Variants in CTNNB1 observed in about 807,000 individuals in gnomAD.
CTNNB1 encodes catenin beta-1.
CTNNB1 carries 6 observed loss-of-function variants against 82.5 expected under a neutral mutation model. That is an observed-to-expected ratio of 0.07 (90% CI 0.04 to 0.14). The LOEUF is 0.14. Ranked by LOEUF, CTNNB1 falls within the 10% of genes least tolerant of loss-of-function variation. CTNNB1 has a pLI of 1.00. For missense variants in CTNNB1, 529 were observed against 980.4 expected, an observed-to-expected ratio of 0.54 and a Z score of 6.15; for synonymous variants, 312 against 329.7, an observed-to-expected ratio of 0.95 and a Z score of 0.58.
At position 41,224,608 on chromosome 3, in the gene CTNNB1, C is replaced by T; in HGVS notation, c.96C>T (p.Asp32=). 1 of 1,613,958 alleles carries T rather than the reference C, an allele frequency of 6.2e-7. No homozygotes were observed. The highest frequency in any genetic ancestry group is 8.5e-7 in the Non-Finnish European group (1 of 1,179,982). ...ACTGGCAGCAACAGTCTTACCTGGA[C>T]TCTGGAATCCATTCTGGTGCCACTA... ...VSHWQQQSYL[D]SGIHSGATTT... The change falls in exon 3 of 15, where the codon GAC becomes GAT. Residue 32 remains aspartate, a synonymous_variant. Transcript: ENST00000349496.
chr3:41,238,846 G>A (rs2078503398), intron 14 of CTNNB1, among the ~76,000 whole-genome samples: 1 of 152,190 alleles, frequency 6.6e-6, no homozygotes, highest in African/African-American at 2.4e-5. Flanking sequence ...CTTGACAGGG[G>A]TAAATGCAGA....
intron 1 of CTNNB1, among the ~76,000 whole-genome samples, chr3:41,203,022 T>A (rs1368341547): frequency 1.5e-5 from 2 of 137,058 alleles, no homozygotes; most frequent in Non-Finnish European, 3.1e-5. Context: ...AACCCATTTT[T>A]AGGGTTTAGC....
chr3:41,208,982 G>A (rs2077714432), intron 1 of CTNNB1, among the ~76,000 whole-genome samples: 1 of 152,102 alleles, frequency 6.6e-6, no homozygotes, highest in Non-Finnish European at 1.5e-5. Context: ...GTTTTCTTTT[G>A]AACCCCTGCC....
intron 1 of CTNNB1, chr3:41,222,355 T>A (rs888107788): frequency 6.6e-6 from 1 of 152,188 alleles, no homozygotes; most frequent in African/African-American, 2.4e-5. Flanking sequence ...GGTGAGTGAG[T>A]CTATGCTGTT....
intron 1 of CTNNB1, among the ~76,000 whole-genome samples, chr3:41,223,290 T>C (rs1361247733): frequency 6.6e-6 from 1 of 152,050 alleles, no homozygotes; most frequent in Non-Finnish European, 1.5e-5. Context: ...TATTGCACAA[T>C]AAAGGCAAAA....
At position 41,224,992 on chromosome 3, in the gene CTNNB1, G is replaced by A. The variant is rs2125619827; in HGVS notation, c.280G>A (p.Val94Ile). ...GQYAMTRAQR[V>I]RAAMFPETLD... ...GTATGCAATGACTCGAGCTCAGAGG[G>A]TACGAGCTGCTATGTTCCCTGAGAC... The change falls in exon 4 of 15, where the codon GTA becomes ATA. Residue 94 changes from valine (V) to isoleucine (I), a missense_variant. By Grantham distance (29) the Val-to-Ile change is conservative. Around this residue, in one of 4 missense-constraint regions of CTNNB1, gnomAD observed 411 missense variants for 776.4 expected, o/e 0.53. Coordinates refer to ENST00000349496, the MANE Select transcript of CTNNB1 (RefSeq NM_001904.4). The A allele has an allele frequency of 6.2e-7, 1 of 1,614,012 alleles. No homozygotes were observed. The highest frequency in any genetic ancestry group is 8.5e-7 in the Non-Finnish European group (1 of 1,179,948).
At chr3:41,235,924 A>G in intron 11 of CTNNB1, 81 bp downstream of exon 11, 1 of 1,516,332 alleles carries the variant, frequency 6.6e-7, no homozygotes, top group Non-Finnish European at 9.2e-7. Flanking sequence ...TCAGAAAATT[A>G]GGGACCATAA....
chr3:41,209,914 A>G (rs1055048152), intron 1 of CTNNB1, among the ~76,000 whole-genome samples: 11 of 152,196 alleles, frequency 7.2e-5, no homozygotes, highest in African/African-American at 2.4e-4. Context: ...TAGACTTTAT[A>G]AACACTGTAC....
intron 1 of CTNNB1, among the ~76,000 whole-genome samples, chr3:41,212,537 GAC>G (rs1435237302): frequency 6.6e-6 from 1 of 152,108 alleles, no homozygotes; most frequent in African/African-American, 2.4e-5. Context: ...TTTTAGTCTT[GAC>G]CCCTGCCTTT....
intron 6 of CTNNB1, among the ~76,000 whole-genome samples, chr3:41,226,918 T>G (rs1269014945): frequency 6.6e-6 from 1 of 152,152 alleles, no homozygotes; most frequent in Non-Finnish European, 1.5e-5. Flanking sequence ...CAACATAGTT[T>G]CTAAATTTTT....
At chr3:41,207,655 G>A (rs1469513753) in intron 1 of CTNNB1, among the ~76,000 whole-genome samples, 1 of 152,120 alleles carries the variant, frequency 6.6e-6, no homozygotes, top group Non-Finnish European at 1.5e-5. Context: ...TTATCCCCCA[G>A]ACTCTAATCC....
chr3:41,218,277 A>C (rs1000744720), intron 1 of CTNNB1, among the ~76,000 whole-genome samples: 1 of 152,128 alleles, frequency 6.6e-6, no homozygotes, highest in Non-Finnish European at 1.5e-5. Flanking sequence ...TTTTCTGCCT[A>C]CTACAGTCTC....
intron 1 of CTNNB1, among the ~76,000 whole-genome samples, chr3:41,205,521 C>G (rs1028857803): frequency 1.3e-5 from 2 of 151,914 alleles, no homozygotes; most frequent in African/African-American, 4.8e-5. Flanking sequence ...GTGGTGAATA[C>G]AAAAATTAGC....
rs1031583127 is a variant in CTNNB1 at position 41,236,588 on chromosome 3, C to A, written c.1955C>A (p.Ala652Glu). 6 of 1,614,166 alleles carry A rather than the reference C, an allele frequency of 3.7e-6. No homozygotes were observed. Among genetic ancestry groups the A allele is most frequent in the Non-Finnish European group, 5.1e-6 (6 of 1,180,030 alleles). The change falls in exon 13 of 15, where the codon GCG becomes GAG. Residue 652 changes from alanine to glutamate, a missense_variant and splice_region_variant. Physicochemically the swap from Ala to Glu is moderately radical, Grantham distance 107. Around this residue, in one of 4 missense-constraint regions of CTNNB1, gnomAD observed 411 missense variants for 776.4 expected, o/e 0.53. Transcript: ENST00000349496. ...ELLHSRNEGV[A>E]TYAAAVLFRM... ...GGGCCTTTTTCTCCTTGTCTCTTAG[C>A]GACATATGCAGCTGCTGTTTTGTTC... is the stretch of plus-strand genomic sequence containing the variant.
intron 1 of CTNNB1, among the ~76,000 whole-genome samples, chr3:41,208,501 T>G (rs1370393406): frequency 6.6e-6 from 1 of 152,226 alleles, no homozygotes; most frequent in Non-Finnish European, 1.5e-5. Flanking sequence ...ATTCCTCTAG[T>G]AAATACGTCA....
Position 41,202,694 on chromosome 3 carries a change from A to G in CTNNB1, c.-49+3024A>G, listed in dbSNP as rs1186852128. 3.3e-5 allele frequency among the ~76,000 whole-genome samples: 5 copies of G among 152,274 alleles called. No homozygotes were observed. In the East Asian group the frequency reaches 9.7e-4, roughly 29 times the overall value. On this transcript the variant is annotated intron_variant, in intron 1 of 14. Transcript: ENST00000349496. ...ATGTAATATTGCAGTTGTGATTGTGATAGGTAAGTGGACCAGTCGGTTAAA... is the reference window on the plus strand; with the variant it reads ...ATGTAATATTGCAGTTGTGATTGTGGTAGGTAAGTGGACCAGTCGGTTAAA...
chr3:41,235,764 G>C lies in CTNNB1; in HGVS notation c.1724G>C (p.Gly575Ala), dbSNP rs2125644724. Residue 575 changes from glycine (G) to alanine (A), a missense_variant, in exon 11 of 15, where the codon GGA (glycine) becomes GCA (alanine). By Grantham distance (60) the Gly-to-Ala change is moderately conservative. This residue lies in a region of CTNNB1 where 411 missense variants were observed against 776.4 expected (regional missense o/e 0.53). Coordinates refer to ENST00000349496, the MANE Select transcript of CTNNB1 (RefSeq NM_001904.4). ...RMEEIVEGCTGALHILARDVH... is the reference protein window; with the variant it reads ...RMEEIVEGCTAALHILARDVH... Reference sequence around the variant, plus strand: ...GAAGAAATAGTTGAAGGTTGTACCGGAGCCCTTCACATCCTAGCTCGGGAT... The same window carrying C: ...GAAGAAATAGTTGAAGGTTGTACCGCAGCCCTTCACATCCTAGCTCGGGAT... 1 of 1,614,106 alleles carries C rather than the reference G, an allele frequency of 6.2e-7. No homozygotes were observed. Among genetic ancestry groups the C allele is most frequent in the Non-Finnish European group, 8.5e-7 (1 of 1,179,980 alleles).
chr3:41,238,557 C>A (rs909829631), intron 14 of CTNNB1: 1 of 191,106 alleles, frequency 5.2e-6, no homozygotes, highest in Non-Finnish European at 1.1e-5. Flanking sequence ...AACTGTCTTA[C>A]ATTTATAACC....
intron 1 of CTNNB1, chr3:41,220,863 A>C (rs1202249206): frequency 6.6e-6 from 1 of 152,214 alleles, no homozygotes; most frequent in Non-Finnish European, 1.5e-5. Flanking sequence ...TAATTAAGAT[A>C]ATTCTGTCCT....
Sources: allele counts gnomAD v4.1 joint callset (sites outside exome capture counted in the v4.1 genomes callset), GRCh38; gene constraint gnomAD v4.1.1; regional missense constraint gnomAD v4.1.1; transcripts MANE v1.5; gene names NCBI Gene and HGNC (gene_info 2026-07-23, HGNC 2026-07-21).